Variants in MAP3K4 observed in about 807,000 individuals in gnomAD.
The protein encoded by MAP3K4 is mitogen-activated protein kinase kinase kinase 4, also known as MAP three kinase 1.
MAP3K4 carries 67 observed loss-of-function variants against 185.6 expected under a neutral mutation model. That is an observed-to-expected ratio of 0.36 (90% CI 0.30 to 0.44). MAP3K4 has a LOEUF of 0.44. Among genes scored for constraint, MAP3K4 ranks in the 20% least tolerant of loss-of-function variants. The pLI is 1.00. For synonymous variants in MAP3K4, 702 were observed against 710.4 expected (o/e 0.99, Z 0.19); for missense variants, 1,551 against 1,995.1 (o/e 0.78, Z 4.24).
Position 161,063,262 on chromosome 6 carries a change from T to G in MAP3K4, c.1708-7346T>G, listed in dbSNP as rs1442681341. On this transcript the variant is annotated intron_variant, in intron 3 of 26. Transcript: ENST00000392142. The surrounding 1 kb of genome is among the most constrained non-coding windows in gnomAD (Gnocchi z 5.4). ...TTATATTTTTTATGATTTTCTTAATTTCTTTTAGTTTATTTCAGAAATCGG... is the reference window on the plus strand; with the variant it reads ...TTATATTTTTTATGATTTTCTTAATGTCTTTTAGTTTATTTCAGAAATCGG... Among the ~76,000 whole-genome samples the G allele has an allele frequency of 6.6e-6, 1 of 152,146 alleles. No homozygotes were observed. The highest frequency in any genetic ancestry group is 2.4e-5 in the African/African-American group (1 of 41,442).
chr6:161,073,150 A>G lies in MAP3K4; in HGVS notation c.1951-316A>G, dbSNP rs1785023965. ...TTAGTAGAAAAATTGATTTTATTCT[A>G]TGGGATTTACTTTCTATATAAGTTT... On this transcript the variant is annotated intron_variant, in intron 4 of 26. Coordinates refer to ENST00000392142, the MANE Select transcript of MAP3K4 (RefSeq NM_005922.4). The surrounding 1 kb of genome is among the most constrained non-coding windows in gnomAD (Gnocchi z 4.2). Among the ~76,000 whole-genome samples the G allele has an allele frequency of 1.3e-5, 2 of 152,108 alleles. No individual in the cohort carries two copies. Among genetic ancestry groups the G allele is most frequent in the Non-Finnish European group, 2.9e-5 (2 of 67,996 alleles).
In MAP3K4 at chr6:161,097,113, T is replaced by C; in HGVS notation, c.3461T>C (p.Val1154Ala). Reference protein sequence around the residue: ...IHRNSPRPMKVPRCHSDPPNP... With the variant: ...IHRNSPRPMKAPRCHSDPPNP... ...CGGAACAGCCCCCGTCCTATGAAGG[T>C]ACCTCGATGCCATAGTGACCCTCCT... is the stretch of plus-strand genomic sequence containing the variant. The change falls in exon 16 of 27, where the codon GTA becomes GCA. Residue 1154 changes from valine to alanine, a missense_variant. Coordinates refer to ENST00000392142, the MANE Select transcript of MAP3K4 (RefSeq NM_005922.4). The surrounding 1 kb of genome is among the most constrained non-coding windows in gnomAD (Gnocchi z 4.9). 6.2e-7 allele frequency: 1 copy of C among 1,614,180 alleles called. No individual in the cohort carries two copies.
Position 161,017,553 on chromosome 6 carries a change from CA to C in MAP3K4, c.153-16700del, listed in dbSNP as rs1482662314. Among the ~76,000 whole-genome samples, 1 of 152,050 alleles carries C rather than the reference CA, an allele frequency of 6.6e-6. No individual in the cohort carries two copies. The highest frequency in any genetic ancestry group is 1.5e-5 in the Non-Finnish European group (1 of 68,006). On this transcript the variant is annotated intron_variant, in intron 1 of 26. Transcript: ENST00000392142. The surrounding 1 kb of genome is among the most constrained non-coding windows in gnomAD (Gnocchi z 5.1). ...TTTATATGCCTAAAAATTAGGTCCA[CA>C]AAAAATCTTTGTGATCTTTTGTAAG...
chr6:161,095,693 T>C (rs887008813), intron 15 of MAP3K4, among the ~76,000 whole-genome samples: 1 of 152,254 alleles, frequency 6.6e-6, no homozygotes, highest in African/African-American at 2.4e-5. Context: ...GTCATGAATG[T>C]ACTGTAATTC....
intron 1 of MAP3K4, among the ~76,000 whole-genome samples, chr6:160,994,775 G>A (rs1780914588): frequency 1.3e-5 from 2 of 151,920 alleles, no homozygotes; most frequent in South Asian, 4.2e-4. Flanking sequence ...ATCTCAGCTC[G>A]CTGCAACCTC....
intron 1 of MAP3K4, among the ~76,000 whole-genome samples, chr6:161,016,890 A>T (rs956432985): frequency 6.6e-6 from 1 of 152,184 alleles, no homozygotes; most frequent in South Asian, 2.1e-4. Flanking sequence ...TATTGCATGG[A>T]TGGTTTAAAG....
At position 161,070,037 on chromosome 6, in the gene MAP3K4, A is replaced by G. The variant is rs909436035; in HGVS notation, c.1708-571A>G. The stretch of plus-strand genomic sequence containing the variant: ...CCCGGGAAGCATCACAAAACGGATA[A>G]CTGAGTCATGCCAACCAGGTTGATC... On this transcript the variant is annotated intron_variant, in intron 3 of 26. Coordinates refer to ENST00000392142, the MANE Select transcript of MAP3K4 (RefSeq NM_005922.4). This position sits in a 1 kb window ranked among gnomAD's most constrained non-coding sequence, Gnocchi z 4.5. Among the ~76,000 whole-genome samples, 1 of 152,190 alleles carries G rather than the reference A, an allele frequency of 6.6e-6. No individual in the cohort carries two copies. Among genetic ancestry groups the G allele is most frequent in the Non-Finnish European group, 1.5e-5 (1 of 68,042 alleles).
rs1260991582 is a variant in MAP3K4, at chr6:161,089,481, T to C, written c.2973+10T>C. 5 of 1,613,208 alleles carry C rather than the reference T, an allele frequency of 3.1e-6. No individual in the cohort carries two copies. The East Asian group carries it at 1.1e-4, about 36-fold the overall frequency. ...TTTGCAGCAGCTGAAGGTATTACACTGTCCTCTACATTAGCTGAGATTTTT... is the reference window on the plus strand; with the variant it reads ...TTTGCAGCAGCTGAAGGTATTACACCGTCCTCTACATTAGCTGAGATTTTT... On this transcript the variant is annotated intron_variant, in intron 11 of 26. Transcript: ENST00000392142.
rs1253764443 is a variant in MAP3K4 at position 161,084,231 on chromosome 6, T to C, written c.2256-270T>C. On this transcript the variant is annotated intron_variant, in intron 6 of 26. Coordinates refer to ENST00000392142, the MANE Select transcript of MAP3K4 (RefSeq NM_005922.4). The surrounding 1 kb of genome is among the most constrained non-coding windows in gnomAD (Gnocchi z 4.6). ...CATTTAGATGGAAATAACATTTGTG[T>C]ACTAATTCCATAGCTACTATGAATA... is the stretch of plus-strand genomic sequence containing the variant. 1.3e-5 allele frequency among the ~76,000 whole-genome samples: 2 copies of C among 152,256 alleles called. No individual in the cohort carries two copies. The highest frequency in any genetic ancestry group is 2.9e-5 in the Non-Finnish European group (2 of 68,038).
intron 19 of MAP3K4, among the ~76,000 whole-genome samples, chr6:161,105,889 G>A (rs1189748238): frequency 1.3e-5 from 2 of 149,944 alleles, no homozygotes; most frequent in Non-Finnish European, 3.0e-5. Flanking sequence ...ATGCTGGAGT[G>A]CAGTGGTGCA....
chr6:161,086,297 C>T lies in MAP3K4; in HGVS notation c.2373-82C>T. ...ATTTATTACTGTGATTTGGAATTTG[C>T]TTCATCTTTATTGTTAAATCCCTCT... is the stretch of plus-strand genomic sequence containing the variant. On this transcript the variant is annotated intron_variant, in intron 7 of 26. Coordinates refer to ENST00000392142, the MANE Select transcript of MAP3K4 (RefSeq NM_005922.4). The surrounding 1 kb of genome is among the most constrained non-coding windows in gnomAD (Gnocchi z 4.8). 1.3e-6 allele frequency: 1 copy of T among 741,260 alleles called. No individual in the cohort carries two copies. The allele number at this position is 741,260 out of a possible 1,614,324, so 45.9% of individuals were successfully genotyped here.
At chr6:161,015,693 C>T (rs1043556173) in intron 1 of MAP3K4, among the ~76,000 whole-genome samples, 10 of 151,882 alleles carry the variant, frequency 6.6e-5, no homozygotes, top group East Asian at 1.9e-4. Context: ...AGAGGTGGTG[C>T]GGGGCGGGGG....
rs1365100562 is a variant in MAP3K4 at position 161,093,276 on chromosome 6, T to G, written c.3348+220T>G. ...TGTTCAACTAAGTCAATGTCTGGTT[T>G]GTAAACCCTGGCCCTTCTAAAATAT... On this transcript the variant is annotated intron_variant, in intron 14 of 26. Coordinates refer to ENST00000392142, the MANE Select transcript of MAP3K4 (RefSeq NM_005922.4). The surrounding 1 kb of genome is among the most constrained non-coding windows in gnomAD (Gnocchi z 5.2). 2.6e-5 allele frequency among the ~76,000 whole-genome samples: 4 copies of G among 152,246 alleles called. No individual in the cohort carries two copies. Among genetic ancestry groups the G allele is most frequent in the Non-Finnish European group, 4.4e-5 (3 of 68,046 alleles).
intron 19 of MAP3K4, among the ~76,000 whole-genome samples, chr6:161,104,740 T>A (rs1316099894): frequency 6.9e-6 from 1 of 145,802 alleles, no homozygotes; most frequent in East Asian, 2.0e-4. Context: ...TCTTGAGAAA[T>A]TTTTTTTTAA....
At chr6:161,046,816 A>G (rs998786643) in intron 2 of MAP3K4, among the ~76,000 whole-genome samples, 4 of 150,684 alleles carry the variant, frequency 2.7e-5, no homozygotes, top group African/African-American at 9.7e-5. Flanking sequence ...AAATCTGAAG[A>G]TATACTAATA....
At chr6:161,003,369 A>G (rs1157354906) in intron 1 of MAP3K4, among the ~76,000 whole-genome samples, 1 of 152,224 alleles carries the variant, frequency 6.6e-6, no homozygotes, top group Non-Finnish European at 1.5e-5. Flanking sequence ...AATATTCTCA[A>G]CAGAATCCAC....
rs1785801225 is a variant in MAP3K4, at chr6:161,087,695, T to C, written c.2564T>C (p.Ile855Thr). Reference sequence around the variant, plus strand: ...GGATTATGTCTTTTGCAGGTGCAAATTCCTGGGTTAGAAAACTTGCAAATG... The same window carrying C: ...GGATTATGTCTTTTGCAGGTGCAAACTCCTGGGTTAGAAAACTTGCAAATG... ...LKSKQYVKVQ[I>T]PGLENLQMFV... The change falls in exon 10 of 27, where the codon ATT (isoleucine) becomes ACT (threonine). Residue 855 changes from isoleucine to threonine, a missense_variant. Coordinates refer to ENST00000392142, the MANE Select transcript of MAP3K4 (RefSeq NM_005922.4). This position sits in a 1 kb window ranked among gnomAD's most constrained non-coding sequence, Gnocchi z 4.9. The C allele has an allele frequency of 6.2e-7, 1 of 1,614,106 alleles. No individual in the cohort carries two copies. The highest frequency in any genetic ancestry group is 8.5e-7 in the Non-Finnish European group (1 of 1,180,022).
At chr6:161,065,876 T>A (rs1314083619) in intron 3 of MAP3K4, among the ~76,000 whole-genome samples, 2 of 136,114 alleles carry the variant, frequency 1.5e-5, no homozygotes, top group Non-Finnish European at 3.1e-5. Context: ...AGGCGGAGCT[T>A]GCAGTGAGCC....
chr6:161,037,381 C>T lies in MAP3K4; in HGVS notation c.343+2932C>T, dbSNP rs1050867225. Among the ~76,000 whole-genome samples the T allele has an allele frequency of 1.3e-5, 2 of 152,108 alleles. No homozygotes were observed. Among genetic ancestry groups the T allele is most frequent in the African/African-American group, 4.8e-5 (2 of 41,424 alleles). On this transcript the variant is annotated intron_variant, in intron 2 of 26. Transcript: ENST00000392142. This position sits in a 1 kb window ranked among gnomAD's most constrained non-coding sequence, Gnocchi z 4.2. ...TATAGTGTTGTTAGGATTATGTATT[C>T]AGTATTAGTTATCATCATTATTATT...
Sources: gnomAD v4.1 joint callset for allele counts (sites outside exome capture counted in the v4.1 genomes callset) on GRCh38, gnomAD v4.1.1 for gene constraint, Gnocchi (gnomAD v3.1) non-coding constraint, MANE v1.5 for transcripts, NCBI Gene and HGNC (gene_info 2026-07-23, HGNC 2026-07-21) for gene names.